SNTG1: variants seen among roughly 807,000 people sequenced by gnomAD.
SNTG1 encodes the protein syntrophin gamma 1.
Under a neutral mutation model 74.7 loss-of-function variants are expected in SNTG1, and 39 were observed. That is an observed-to-expected ratio of 0.52 (90% confidence interval 0.40 to 0.68). SNTG1 has a LOEUF of 0.68. SNTG1 is among the 30% of genes least tolerant of loss of function. The pLI, the probability that SNTG1 is intolerant of heterozygous loss-of-function variation, is 0.00. For missense variants in SNTG1, 685 were observed against 609.5 expected, an observed-to-expected ratio of 1.12 and a Z score of -1.30; for synonymous variants, 254 against 217.1, an observed-to-expected ratio of 1.17 and a Z score of -1.49.
intron 9 of SNTG1, among the ~76,000 whole-genome samples, chr8:50,523,518 G>T (rs1053357831): frequency 6.6e-6 from 1 of 152,088 alleles, no homozygotes; most frequent in African/African-American, 2.4e-5. Flanking sequence ...CAATATTATT[G>T]TGTCTTAGGG....
At chr8:50,101,812 G>T (rs900031727) in intron 1 of SNTG1, among the ~76,000 whole-genome samples, 2 of 151,414 alleles carry the variant, frequency 1.3e-5, no homozygotes, top group Admixed American at 1.3e-4. Flanking sequence ...TGCGGTGTTT[G>T]GTTTTTTGTC....
At position 50,625,734 on chromosome 8, in the gene SNTG1, A is replaced by G. The variant is rs190180549; in HGVS notation, c.850-31175A>G. ...ATTCAATTCTTGCTTTTAAACTCCA[A>G]TTCATTAGCGAATATTCCCAACTTT... On this transcript the variant is annotated intron_variant, in intron 13 of 18. Coordinates refer to ENST00000642720, the MANE Select transcript of SNTG1 (RefSeq NM_018967.5). 7.5e-4 allele frequency among the ~76,000 whole-genome samples: 114 copies of G among 152,306 alleles called. No homozygotes were observed. The Middle Eastern group carries it at 0.024, about 32-fold the overall frequency.
At chr8:49,975,238 A>T (rs1411587853) in intron 1 of SNTG1, among the ~76,000 whole-genome samples, 1 of 152,254 alleles carries the variant, frequency 6.6e-6, no homozygotes, top group East Asian at 1.9e-4. Context: ...AATCACCTCA[A>T]CTGCCGAGAT....
chr8:50,550,655 A>G (rs2094419460), intron 11 of SNTG1, among the ~76,000 whole-genome samples: 1 of 151,374 alleles, frequency 6.6e-6, no homozygotes, highest in Non-Finnish European at 1.5e-5. Flanking sequence ...AAAACTTCAG[A>G]CTAACTCTTC....
At chr8:50,631,532 C>A (rs1398805948) in intron 13 of SNTG1, among the ~76,000 whole-genome samples, 1 of 152,086 alleles carries the variant, frequency 6.6e-6, no homozygotes, top group East Asian at 1.9e-4. Context: ...CTCTGAATCG[C>A]AAAACCAAAG....
chr8:50,145,604 G>T (rs192013686), intron 1 of SNTG1, among the ~76,000 whole-genome samples: 5 of 152,144 alleles, frequency 3.3e-5, no homozygotes, highest in Admixed American at 3.3e-4. Context: ...AGTCATGGCA[G>T]TTGGGGCGGT....
intron 2 of SNTG1, among the ~76,000 whole-genome samples, chr8:50,352,252 A>T (rs2091683475): frequency 2.0e-5 from 3 of 152,242 alleles, no homozygotes; most frequent in Non-Finnish European, 2.9e-5. Flanking sequence ...TTTTCAGAAC[A>T]GAGTTGAACT....
At chr8:50,619,384 A>C (rs943045139) in intron 13 of SNTG1, among the ~76,000 whole-genome samples, 3 of 152,116 alleles carry the variant, frequency 2.0e-5, no homozygotes, top group African/African-American at 7.2e-5. Flanking sequence ...CTCTTATTTT[A>C]ATTTTTAAAT....
At chr8:49,914,965 C>T (rs899889225) in intron 1 of SNTG1, 5 of 152,102 alleles carry the variant, frequency 3.3e-5, no homozygotes, top group South Asian at 2.1e-4. Flanking sequence ...GTGTTTTCTT[C>T]CTATTTAGCT....
rs538757439 is a variant in SNTG1 at position 50,217,026 on chromosome 8, A to C, written c.-28+44391A>C. On this transcript the variant is annotated intron_variant, in intron 2 of 18. Transcript: ENST00000642720. Reference sequence around the variant, plus strand: ...TTTATAAAATATATATATATTTATAAGTTTATTAGTATTGAAAATTAATGA... The same window carrying C: ...TTTATAAAATATATATATATTTATACGTTTATTAGTATTGAAAATTAATGA... 1.1e-3 allele frequency among the ~76,000 whole-genome samples: 170 copies of C among 151,534 alleles called. 3 individuals carry two copies. In the South Asian group the frequency reaches 0.034, roughly 31 times the overall value.
intron 2 of SNTG1, among the ~76,000 whole-genome samples, chr8:50,362,434 G>C (rs2091985227): frequency 6.6e-6 from 1 of 152,050 alleles, no homozygotes; most frequent in Admixed American, 6.6e-5. Flanking sequence ...AGAAGTATTG[G>C]ACACTTCAAA....
At chr8:50,427,442 T>G (rs1040522700) in intron 4 of SNTG1, among the ~76,000 whole-genome samples, 1 of 152,190 alleles carries the variant, frequency 6.6e-6, no homozygotes, top group Non-Finnish European at 1.5e-5. Context: ...TTATTTTTAA[T>G]TTTTTGAGTC....
At position 50,482,295 on chromosome 8, in the gene SNTG1, G is replaced by A. The variant is rs139437877; in HGVS notation, c.364-20483G>A. On this transcript the variant is annotated intron_variant, in intron 8 of 18. Transcript: ENST00000642720. ...CCTACCCTAGAGTCCAAATATAACT[G>A]AGGCAGGTAGGGTGAGAATGACGGG... Among the ~76,000 whole-genome samples the A allele has an allele frequency of 5.9e-5, 9 of 152,252 alleles. No individual in the cohort carries two copies. In the East Asian group the frequency reaches 1.7e-3, roughly 30 times the overall value.
At chr8:50,506,750 T>A (rs1292585950) in intron 9 of SNTG1, among the ~76,000 whole-genome samples, 7 of 152,066 alleles carry the variant, frequency 4.6e-5, no homozygotes, top group African/African-American at 1.7e-4. Flanking sequence ...AGCTCATATC[T>A]GCAAACAAAG....
chr8:49,962,306 T>C (rs1237111541), intron 1 of SNTG1, among the ~76,000 whole-genome samples: 2 of 150,510 alleles, frequency 1.3e-5, no homozygotes, highest in Non-Finnish European at 3.0e-5. Context: ...TGGTTCTTTT[T>C]TGGGGGGCGG....
At chr8:50,275,555 G>T (rs1336842017) in intron 2 of SNTG1, among the ~76,000 whole-genome samples, 1 of 152,126 alleles carries the variant, frequency 6.6e-6, no homozygotes, top group Non-Finnish European at 1.5e-5. Context: ...AAGTAGTGCA[G>T]GTAACTTAAA....
At chr8:50,778,684 C>G (rs1014735722) in intron 18 of SNTG1, among the ~76,000 whole-genome samples, 1 of 127,684 alleles carries the variant, frequency 7.8e-6, no homozygotes, top group Non-Finnish European at 1.5e-5. Context: ...GTTTCTTTTG[C>G]TGTGCAGAAG....
At chr8:50,142,475 T>C (rs2081697223) in intron 1 of SNTG1, among the ~76,000 whole-genome samples, 1 of 147,198 alleles carries the variant, frequency 6.8e-6, no homozygotes, top group African/African-American at 2.5e-5. Flanking sequence ...ATTAAAAAGA[T>C]TATATATATA....
chr8:50,532,691 C>T (rs1295761048), intron 10 of SNTG1, among the ~76,000 whole-genome samples: 1 of 152,148 alleles, frequency 6.6e-6, no homozygotes, highest in African/African-American at 2.4e-5. Flanking sequence ...GAGAACATCT[C>T]TACTCAGAGA....
Sources: allele counts gnomAD v4.1 joint callset (sites outside exome capture counted in the v4.1 genomes callset), GRCh38; gene constraint gnomAD v4.1.1; transcripts MANE v1.5; gene names NCBI Gene and HGNC (gene_info 2026-07-23, HGNC 2026-07-21).